The following DCLK2 variants were observed in gnomAD, a reference collection of about 807,000 sequenced individuals.
The protein encoded by DCLK2 is serine/threonine-protein kinase DCLK2.
Under a neutral mutation model 78.4 loss-of-function variants are expected in DCLK2, and 31 were observed. The observed-to-expected ratio is 0.40, with a 90% CI of 0.30 to 0.53. DCLK2 has a LOEUF of 0.53. Ranked by LOEUF, DCLK2 falls within the 20% of genes least tolerant of loss-of-function variation. The pLI, the probability that DCLK2 is intolerant of heterozygous loss-of-function variation, is 0.61. For missense variants in DCLK2, 872 were observed against 973.7 expected, an observed-to-expected ratio of 0.90 and a Z score of 1.39; for synonymous variants, 407 against 374.9, an observed-to-expected ratio of 1.09 and a Z score of -0.99.
intron 2 of DCLK2, among the ~76,000 whole-genome samples, chr4:150,189,123 C>A (rs2126339460): frequency 6.6e-6 from 1 of 151,622 alleles, no homozygotes; most frequent in East Asian, 1.9e-4. Flanking sequence ...TTTTCAGATT[C>A]ATTCAGATAT....
chr4:150,151,741 A>G (rs1734909727), intron 2 of DCLK2, among the ~76,000 whole-genome samples: 1 of 152,152 alleles, frequency 6.6e-6, no homozygotes, highest in South Asian at 2.1e-4. Context: ...CCTGGCCAAC[A>G]TAGTGAAACC....
At chr4:150,159,143 T>C (rs902874573) in intron 2 of DCLK2, among the ~76,000 whole-genome samples, 19 of 152,148 alleles carry the variant, frequency 1.2e-4, no homozygotes, top group African/African-American at 3.9e-4. Context: ...CAGATTCTTA[T>C]ATTGTGCCCT....
chr4:150,225,950 A>G (rs1741573733), intron 8 of DCLK2, among the ~76,000 whole-genome samples: 1 of 152,194 alleles, frequency 6.6e-6, no homozygotes, highest in Admixed American at 6.5e-5. Flanking sequence ...GAATTAAGCC[A>G]TGGAAAACAG....
chr4:150,153,726 C>T (rs575611413), intron 2 of DCLK2, among the ~76,000 whole-genome samples: 1 of 152,070 alleles, frequency 6.6e-6, no homozygotes, highest in African/African-American at 2.4e-5. Context: ...CAAACTCTTA[C>T]ATGTTTATTA....
chr4:150,194,022 GACACACACACACACACACACACACAC>G lies in DCLK2; in HGVS notation c.859+807_859+832del, dbSNP rs58179559. ...CCACCTCAGCCTCCCAAAGTGCTGG[GACACACACACACACACACACACACAC>G]ACACACACACACACACACACACACG... On this transcript the variant is annotated intron_variant, in intron 3 of 15. Coordinates refer to ENST00000296550, the MANE Select transcript of DCLK2 (RefSeq NM_001040260.4). Among the ~76,000 whole-genome samples, 104 of 133,872 alleles carry G rather than the reference GACACACACACACACACACACACACAC, an allele frequency of 7.8e-4. 1 individual carries two copies. Among genetic ancestry groups the G allele is most frequent in the African/African-American group, 2.7e-3 (95 of 35,152 alleles). 87.8% of individuals were successfully genotyped at this position (133,872 alleles called of 152,430 possible). A position where few individuals can be genotyped will look rare whatever the true frequency, so the allele number is the denominator to read the frequency against.
At chr4:150,230,048 T>C (rs1380413027) in intron 8 of DCLK2, among the ~76,000 whole-genome samples, 2 of 152,004 alleles carry the variant, frequency 1.3e-5, no homozygotes, top group Non-Finnish European at 2.9e-5. Context: ...TGTTCCTTCA[T>C]AGACAATTTT....
intron 2 of DCLK2, among the ~76,000 whole-genome samples, chr4:150,190,852 G>C (rs569846577): frequency 1.6e-4 from 24 of 152,302 alleles, no homozygotes; most frequent in Admixed American, 1.6e-3. Flanking sequence ...AGCAGTTTGG[G>C]AGACCAAGGT....
chr4:150,102,541 A>G lies in DCLK2; in HGVS notation c.485A>G (p.Asn162Ser). 1 of 1,614,190 alleles carries G rather than the reference A, an allele frequency of 6.2e-7. No homozygotes were observed. The highest frequency in any genetic ancestry group is 8.5e-7 in the Non-Finnish European group (1 of 1,180,018). ...AAAGTCGATTACACCAAAAATATTAATCCAAACTGGTCTGTGAACATCAAG... is the reference window on the plus strand; with the variant it reads ...AAAGTCGATTACACCAAAAATATTAGTCCAAACTGGTCTGTGAACATCAAG... ...FRKVDYTKNINPNWSVNIKGG... is the reference protein window; with the variant it reads ...FRKVDYTKNISPNWSVNIKGG... Residue 162 changes from asparagine (N) to serine (S), a missense_variant, in exon 2 of 16, where the codon AAT becomes AGT. Physicochemically the swap from Asn to Ser is conservative, Grantham distance 46. Around this residue, in one of 3 missense-constraint regions of DCLK2, gnomAD observed 567 missense variants for 593.4 expected, o/e 0.96. Transcript: ENST00000296550.
intron 14 of DCLK2, 67 bp downstream of exon 14, chr4:150,248,452 T>C: frequency 7.6e-7 from 1 of 1,323,116 alleles, no homozygotes; most frequent in Non-Finnish European, 1.1e-6. Context: ...GGTTCCTCAC[T>C]GTGATGTTTG....
At chr4:150,105,004 T>C (rs1731156836) in intron 2 of DCLK2, among the ~76,000 whole-genome samples, 3 of 152,168 alleles carry the variant, frequency 2.0e-5, no homozygotes, top group African/African-American at 7.2e-5. Context: ...AAAATGATTT[T>C]TGAATTTAAT....
chr4:150,094,566 C>T (rs1180588958), intron 1 of DCLK2, among the ~76,000 whole-genome samples: 1 of 152,184 alleles, frequency 6.6e-6, no homozygotes, highest in African/African-American at 2.4e-5. Flanking sequence ...ACATGACCTA[C>T]GAGTGTCTCA....
At chr4:150,253,456 C>G (rs886789654) in intron 15 of DCLK2, 24 of 1,289,662 alleles carry the variant, frequency 1.9e-5, no homozygotes, top group Non-Finnish European at 2.4e-5. Context: ...ATGGTGTTAT[C>G]TGCATTTTGT....
At chr4:150,138,380 G>A (rs926640468) in intron 2 of DCLK2, among the ~76,000 whole-genome samples, 3 of 151,558 alleles carry the variant, frequency 2.0e-5, no homozygotes, top group East Asian at 1.9e-4. Context: ...AGGCCGAGGC[G>A]GGGGGATCAC....
intron 5 of DCLK2, among the ~76,000 whole-genome samples, chr4:150,213,678 G>A (rs1740477274): frequency 6.6e-6 from 1 of 152,018 alleles, no homozygotes; most frequent in African/African-American, 2.4e-5. Context: ...TCTATTTGAG[G>A]AAAGGCTGTG....
At chr4:150,205,950 G>A (rs922363728) in intron 5 of DCLK2, among the ~76,000 whole-genome samples, 1 of 152,166 alleles carries the variant, frequency 6.6e-6, no homozygotes, top group African/African-American at 2.4e-5. Flanking sequence ...GGACACTTGA[G>A]TGCCTGCTTA....
intron 2 of DCLK2, among the ~76,000 whole-genome samples, chr4:150,125,204 T>C (rs1335462506): frequency 1.3e-5 from 2 of 152,206 alleles, no homozygotes; most frequent in African/African-American, 2.4e-5. Context: ...GGTTTTGATT[T>C]GTCATGTTGG....
At chr4:150,242,997 C>G (rs1168266329) in intron 12 of DCLK2, among the ~76,000 whole-genome samples, 1 of 152,180 alleles carries the variant, frequency 6.6e-6, no homozygotes, top group Admixed American at 6.5e-5. Flanking sequence ...CTGGCTAACC[C>G]AAGCTGGGAT....
chr4:150,117,996 T>C (rs555644076), intron 2 of DCLK2, among the ~76,000 whole-genome samples: 6 of 152,322 alleles, frequency 3.9e-5, no homozygotes, highest in East Asian at 1.9e-4. Context: ...ATTCCCATTT[T>C]ACAGTGGGGA....
In DCLK2 at chr4:150,224,601, A is replaced by G. The variant is rs765650117; in HGVS notation, c.1299+43A>G. 1.2e-5 allele frequency: 18 copies of G among 1,547,658 alleles called. No individual in the cohort carries two copies. In the East Asian group the frequency reaches 4.1e-4, roughly 35 times the overall value. On this transcript the variant is annotated intron_variant, in intron 8 of 15. Coordinates refer to ENST00000296550, the MANE Select transcript of DCLK2 (RefSeq NM_001040260.4). ...CCTAGTTCTGAAAGAAACTAGAGTA[A>G]CTTGGTGAGGTGTTTACTGTGATGA... is the stretch of plus-strand genomic sequence containing the variant.
Sources: allele counts gnomAD v4.1 joint callset (sites outside exome capture counted in the v4.1 genomes callset), GRCh38; gene constraint gnomAD v4.1.1; regional missense constraint gnomAD v4.1.1; transcripts MANE v1.5; gene names NCBI Gene and HGNC (gene_info 2026-07-23, HGNC 2026-07-21).